Variants in CCDC138 observed in about 807,000 individuals in gnomAD.
The protein encoded by CCDC138 is coiled-coil domain containing 138, also known as coiled-coil domain-containing protein 138.
A neutral mutation model predicts 82.3 loss-of-function variants in CCDC138; 66 were observed. The ratio of observed to expected loss-of-function variants is 0.80; its 90% CI spans 0.66 to 0.98. The LOEUF (loss-of-function observed/expected upper bound fraction) is 0.98, where lower values mean the gene tolerates loss of function less well. Among genes scored for constraint, CCDC138 ranks in the 50% least tolerant of loss-of-function variants. The probability of loss-of-function intolerance (pLI) is 0.00; values close to 1 mark genes in which losing one functional copy is unlikely to be tolerated. For synonymous variants in CCDC138, 297 were observed against 265.4 expected (o/e 1.12, Z -1.16); for missense variants, 816 against 758.9 (o/e 1.08, Z -0.88).
intron 11 of CCDC138, among the ~76,000 whole-genome samples, chr2:108,845,191 T>C (rs1690234549): frequency 6.6e-6 from 1 of 152,202 alleles, no homozygotes; most frequent in Non-Finnish European, 1.5e-5. Context: ...TTTTTCTATT[T>C]TTTACACAAA....
At chr2:108,789,986 GAA>G (rs898258910) in intron 3 of CCDC138, among the ~76,000 whole-genome samples, 2 of 152,146 alleles carry the variant, frequency 1.3e-5, no homozygotes, top group Non-Finnish European at 2.9e-5. Context: ...ATTGTGGAGA[GAA>G]AAAATAATTA....
chr2:108,844,363 T>C (rs950438939), intron 11 of CCDC138, among the ~76,000 whole-genome samples: 1 of 152,202 alleles, frequency 6.6e-6, no homozygotes, highest in Admixed American at 6.5e-5. Context: ...TTATTGAGAC[T>C]GTTATTGTAT....
chr2:108,859,353 G>T (rs1023345422), intron 13 of CCDC138, among the ~76,000 whole-genome samples: 6 of 152,082 alleles, frequency 3.9e-5, no homozygotes, highest in Non-Finnish European at 7.4e-5. Context: ...TAGGTTGTCT[G>T]TTTACTCTGT....
intron 10 of CCDC138, among the ~76,000 whole-genome samples, chr2:108,820,036 C>G (rs1054291429): frequency 6.6e-6 from 1 of 152,128 alleles, no homozygotes; most frequent in Admixed American, 6.5e-5. Context: ...CTGAAAAATA[C>G]AATATCTGAA....
intron 11 of CCDC138, among the ~76,000 whole-genome samples, chr2:108,839,787 A>G (rs188615181): frequency 1.7e-4 from 26 of 151,902 alleles, no homozygotes; most frequent in Admixed American, 1.7e-3. Context: ...ATTTTTACAT[A>G]GAAAATCATG....
intron 11 of CCDC138, 70 bp downstream of exon 11, chr2:108,839,371 A>C (rs1689087203): frequency 1.5e-6 from 2 of 1,308,992 alleles, no homozygotes; most frequent in Admixed American, 4.1e-5. Flanking sequence ...CTTGTTTCAC[A>C]ATATCTGTTT....
Position 108,788,096 on chromosome 2 carries a change from C to T in CCDC138, c.151+7C>T. ...AGAACTCTAACCTCCCCAGGTAAGC[C>T]GGTATTTTGTATATTTGGGGGTTTC... On this transcript the variant is annotated splice_region_variant and intron_variant, in intron 2 of 14. Transcript: ENST00000295124. 6.2e-7 allele frequency: 1 copy of T among 1,601,692 alleles called. No individual in the cohort carries two copies. Among genetic ancestry groups the T allele is most frequent in the Non-Finnish European group, 8.5e-7 (1 of 1,175,788 alleles).
chr2:108,873,657 T>TAAAACCCC (rs1695607525), intron 14 of CCDC138, 68 bp downstream of exon 14: 1 of 1,136,834 alleles, frequency 8.8e-7, no homozygotes, highest in Non-Finnish European at 1.2e-6. Context: ...AAACCAGGGG[T>TAAAACCCC]TTTAATCTTT....
chr2:108,828,006 A>G (rs1458506635), intron 10 of CCDC138, among the ~76,000 whole-genome samples: 1 of 152,136 alleles, frequency 6.6e-6, no homozygotes. Flanking sequence ...CGTGACCACA[A>G]AAACAGATCC....
chr2:108,875,078 A>C (rs1243027763), intron 14 of CCDC138, among the ~76,000 whole-genome samples: 1 of 152,066 alleles, frequency 6.6e-6, no homozygotes, highest in Non-Finnish European at 1.5e-5. Flanking sequence ...GCTCAAGCAG[A>C]TCTTAAAATA....
intron 3 of CCDC138, 129 bp downstream of exon 3, chr2:108,789,095 G>A: frequency 2.6e-6 from 2 of 770,516 alleles, no homozygotes; most frequent in South Asian, 4.1e-5. Flanking sequence ...AGGCAGTCTG[G>A]AGCCTGCTAA....
At chr2:108,865,226 T>C (rs892338193) in intron 13 of CCDC138, among the ~76,000 whole-genome samples, 2 of 152,210 alleles carry the variant, frequency 1.3e-5, no homozygotes, top group Non-Finnish European at 2.9e-5. Context: ...AATTCATTCA[T>C]TTAAGCAGAC....
chr2:108,873,487 C>CT lies in CCDC138; in HGVS notation c.1733dup (p.Leu578PhefsTer14), dbSNP rs780151096. 8 of 1,607,190 alleles carry CT rather than the reference C, an allele frequency of 5.0e-6. No individual in the cohort carries two copies. The highest frequency in any genetic ancestry group is 5.1e-6 in the Non-Finnish European group (6 of 1,176,946). On this transcript the variant is annotated frameshift_variant, in exon 14 of 15. Coordinates refer to ENST00000295124, the MANE Select transcript of CCDC138 (RefSeq NM_144978.3). LOFTEE classifies it high-confidence loss of function. ...CCTTTCCTGGAAGCCTGTAGCAACT[C>CT]TTTATTTTTTCGTACTTGCTCTGTG...
downstream of CCDC138, among the ~76,000 whole-genome samples, chr2:108,880,211 A>G (rs1396692817): frequency 1.6e-4 from 1 of 6,204 alleles, no homozygotes; most frequent in African/African-American, 9.2e-4. Flanking sequence ...AAACAACAAC[A>G]AACAAAAACA....
chr2:108,876,046 CTAAG>C (rs773848389), intron 14 of CCDC138, 38 bp from the exon 15 acceptor site: 5 of 1,326,260 alleles, frequency 3.8e-6, no homozygotes, highest in African/African-American at 2.9e-5. Context: ...GATAAACTCT[CTAAG>C]TATGTGTAAT....
intron 9 of CCDC138, 82 bp downstream of exon 9, chr2:108,813,009 G>T: frequency 3.5e-6 from 4 of 1,151,518 alleles, no homozygotes; most frequent in Non-Finnish European, 5.1e-6. Context: ...CAGCACTTTG[G>T]GAGGCTGAGA....
chr2:108,833,577 C>T (rs1203672427), intron 10 of CCDC138, among the ~76,000 whole-genome samples: 2 of 152,102 alleles, frequency 1.3e-5, no homozygotes, highest in African/African-American at 2.4e-5. Context: ...GGTCAGCAAA[C>T]CCTTTTTTGT....
intron 2 of CCDC138, chr2:108,885,050 T>C (rs2105356307): frequency 6.6e-6 from 1 of 152,386 alleles, no homozygotes; most frequent in East Asian, 1.9e-4. Flanking sequence ...TACTGAGAGA[T>C]GCTAAAGGAG....
intron 10 of CCDC138, among the ~76,000 whole-genome samples, chr2:108,822,503 C>G (rs1685883055): frequency 6.6e-6 from 1 of 152,142 alleles, no homozygotes; most frequent in South Asian, 2.1e-4. Flanking sequence ...ATGATACATT[C>G]TTCTCTTCTC....
Sources: gnomAD v4.1 joint callset for allele counts (sites outside exome capture counted in the v4.1 genomes callset) on GRCh38, gnomAD v4.1.1 for gene constraint, MANE v1.5 for transcripts, NCBI Gene and HGNC (gene_info 2026-07-23, HGNC 2026-07-21) for gene names.